Variants in GRID1 observed in about 807,000 individuals in gnomAD.
GRID1 encodes glutamate ionotropic receptor delta type subunit 1.
In GRID1, 28 loss-of-function variants were observed where a neutral mutation model predicts 98.0. That is an observed-to-expected ratio of 0.29 (90% CI 0.21 to 0.39). The LOEUF is 0.39. Among genes scored for constraint, GRID1 ranks in the 10% least tolerant of loss-of-function variants. The pLI, the probability that GRID1 is intolerant of heterozygous loss-of-function variation, is 1.00. For missense variants in GRID1, 1,111 were observed against 1,340.5 expected (o/e 0.83, Z 2.67); for synonymous variants, 553 against 538.5 (o/e 1.03, Z -0.37).
At chr10:85,774,712 A>G (rs1255892299) in intron 8 of GRID1, among the ~76,000 whole-genome samples, 1 of 151,360 alleles carries the variant, frequency 6.6e-6, no homozygotes, top group African/African-American at 2.4e-5. Flanking sequence ...GCAGCCAAAA[A>G]ACACATGAAA....
chr10:86,215,573 T>C (rs1358935232), intron 2 of GRID1, among the ~76,000 whole-genome samples: 1 of 152,076 alleles, frequency 6.6e-6, no homozygotes, highest in Non-Finnish European at 1.5e-5. Flanking sequence ...AGGACAGTGA[T>C]GAGTCCTGGG....
chr10:85,902,568 C>T (rs1412618117), intron 5 of GRID1, among the ~76,000 whole-genome samples: 2 of 152,140 alleles, frequency 1.3e-5, no homozygotes, highest in African/African-American at 2.4e-5. Flanking sequence ...TCAGATATTG[C>T]TGGGATTCCA....
At chr10:85,949,665 A>G (rs1301823930) in intron 4 of GRID1, among the ~76,000 whole-genome samples, 1 of 152,224 alleles carries the variant, frequency 6.6e-6, no homozygotes, top group Non-Finnish European at 1.5e-5. Context: ...TCCAAAGACT[A>G]ACTATAATTT....
chr10:86,120,979 A>C (rs1279137372), intron 4 of GRID1, among the ~76,000 whole-genome samples: 1 of 152,058 alleles, frequency 6.6e-6, no homozygotes, highest in Non-Finnish European at 1.5e-5. Context: ...GCAGACCACC[A>C]CACTTGGCCC....
intron 5 of GRID1, among the ~76,000 whole-genome samples, chr10:85,886,634 A>G (rs1841121766): frequency 6.6e-6 from 1 of 152,262 alleles, no homozygotes; most frequent in African/African-American, 2.4e-5. Context: ...GAAAACAGAG[A>G]AAGAGTAACT....
intron 4 of GRID1, among the ~76,000 whole-genome samples, chr10:86,118,260 A>C (rs1301882514): frequency 6.6e-6 from 1 of 152,126 alleles, no homozygotes; most frequent in African/African-American, 2.4e-5. Flanking sequence ...TTATGTTCTC[A>C]CTCATATATG....
chr10:86,147,784 A>T (rs1845109302), intron 3 of GRID1, among the ~76,000 whole-genome samples: 1 of 152,110 alleles, frequency 6.6e-6, no homozygotes, highest in South Asian at 2.1e-4. Context: ...CTGCAAACCA[A>T]CCAATCCAGA....
intron 13 of GRID1, among the ~76,000 whole-genome samples, chr10:85,625,550 C>T (rs1415393331): frequency 3.9e-5 from 6 of 152,196 alleles, no homozygotes; most frequent in African/African-American, 1.4e-4. Context: ...AAGTCAAAGG[C>T]ATGTGAGCAT....
At position 85,859,276 on chromosome 10, in the gene GRID1, C is replaced by A. The variant is rs1482165890; in HGVS notation, c.952-3086G>T. ...CGAACACATGGTAGACACATGTATGCACAAATGGAAGGATAGATGAGTGTG... is the reference window on the plus strand; with the variant it reads ...CGAACACATGGTAGACACATGTATGAACAAATGGAAGGATAGATGAGTGTG... On this transcript the variant is annotated intron_variant, in intron 6 of 15. Transcript: ENST00000327946. Among the ~76,000 whole-genome samples, 9 of 152,022 alleles carry A rather than the reference C, an allele frequency of 5.9e-5. No individual in the cohort carries two copies. The East Asian group carries it at 1.7e-3, about 29-fold the overall frequency.
intron 3 of GRID1, among the ~76,000 whole-genome samples, chr10:86,143,732 C>T (rs1318721731): frequency 6.6e-6 from 1 of 152,236 alleles, no homozygotes; most frequent in African/African-American, 2.4e-5. Context: ...ACCAGGTCTC[C>T]AGGCACCCAG....
chr10:86,011,214 A>G (rs1842920545), intron 4 of GRID1, among the ~76,000 whole-genome samples: 1 of 152,220 alleles, frequency 6.6e-6, no homozygotes, highest in Non-Finnish European at 1.5e-5. Flanking sequence ...AGAAATGAGG[A>G]GCTGGAAGCC....
chr10:85,895,014 A>ATATATAT (rs1322282990), intron 5 of GRID1, among the ~76,000 whole-genome samples: 36 of 108,650 alleles, frequency 3.3e-4, no homozygotes, highest in South Asian at 1.1e-3. Context: ...AAAAAAAAAA[A>ATATATAT]AAATATATAT....
intron 8 of GRID1, among the ~76,000 whole-genome samples, chr10:85,791,857 T>G (rs1392884470): frequency 6.6e-6 from 1 of 151,928 alleles, no homozygotes; most frequent in African/African-American, 2.4e-5. Context: ...TAGTTCAGCT[T>G]AGGGAAGAGA....
At chr10:86,085,033 T>C (rs938615486) in intron 4 of GRID1, among the ~76,000 whole-genome samples, 2 of 152,232 alleles carry the variant, frequency 1.3e-5, no homozygotes, top group Admixed American at 1.3e-4. Context: ...TTATGTATTT[T>C]ACCAATACGC....
chr10:86,284,844 C>A (rs373667627), intron 2 of GRID1, among the ~76,000 whole-genome samples: 2 of 152,192 alleles, frequency 1.3e-5, no homozygotes, highest in East Asian at 3.8e-4. Flanking sequence ...GCAGTGGGCA[C>A]TGTGGTATAG....
chr10:86,342,591 A>G (rs1589455545), intron 2 of GRID1, among the ~76,000 whole-genome samples: 1 of 152,204 alleles, frequency 6.6e-6, no homozygotes, highest in African/African-American at 2.4e-5. Flanking sequence ...TGCCCCCAGG[A>G]CGGAGTGGGA....
At chr10:86,345,303 G>A (rs995427150) in intron 2 of GRID1, among the ~76,000 whole-genome samples, 3 of 152,322 alleles carry the variant, frequency 2.0e-5, no homozygotes, top group Admixed American at 1.3e-4. Flanking sequence ...CAGCTTGGGT[G>A]GACAGGAACA....
intron 13 of GRID1, among the ~76,000 whole-genome samples, chr10:85,631,658 A>G (rs903531014): frequency 2.6e-5 from 4 of 152,212 alleles, no homozygotes; most frequent in African/African-American, 9.6e-5. Context: ...CCTTGTCAGT[A>G]GGGCAAAGGG....
At chr10:85,602,897 C>A (rs1195297053) in intron 15 of GRID1, among the ~76,000 whole-genome samples, 196 bp from the exon 16 acceptor site, 1 of 152,074 alleles carries the variant, frequency 6.6e-6, no homozygotes, top group Non-Finnish European at 1.5e-5. Context: ...AGGGGGGAGA[C>A]ATGATCCCTA....
Sources: allele counts gnomAD v4.1 joint callset (sites outside exome capture counted in the v4.1 genomes callset), GRCh38; gene constraint gnomAD v4.1.1; transcripts MANE v1.5; gene names NCBI Gene and HGNC (gene_info 2026-07-23, HGNC 2026-07-21).